Variants in CPSF6 observed in about 807,000 individuals in gnomAD.
CPSF6 encodes cleavage and polyadenylation specific factor 6, also known as cleavage and polyadenylation specificity factor subunit 6.
In CPSF6, 10 loss-of-function variants were observed where a neutral mutation model predicts 56.7. The ratio of observed to expected loss-of-function variants is 0.18; its 90% CI spans 0.11 to 0.30. CPSF6 has a LOEUF of 0.30. Among genes scored for constraint, CPSF6 ranks in the 10% least tolerant of loss-of-function variants. The probability of loss-of-function intolerance (pLI) is 1.00; values close to 1 mark genes in which losing one functional copy is unlikely to be tolerated. For missense variants in CPSF6, 419 were observed against 722.9 expected (o/e 0.58, Z 4.82); for synonymous variants, 248 against 244.8 (o/e 1.01, Z -0.12).
rs1418558421 is a variant in CPSF6, at chr12:69,257,721, G to A, written c.521-11G>A. On this transcript the variant is annotated splice_polypyrimidine_tract_variant and intron_variant, in intron 4 of 9. Coordinates refer to ENST00000435070, the MANE Select transcript of CPSF6 (RefSeq NM_007007.3). ...AATAAGTGCTATTTATGAGTATTTG[G>A]ATATTTGCAGCTACACAATCAGGAC... 9.4e-6 allele frequency: 15 copies of A among 1,602,162 alleles called. No homozygotes were observed. Among genetic ancestry groups the A allele is most frequent in the Non-Finnish European group, 2.5e-6 (3 of 1,177,028 alleles).
Position 69,259,550 on chromosome 12 carries a change from G to A in CPSF6, c.1315+7G>A, listed in dbSNP as rs202148059. On this transcript the variant is annotated splice_region_variant and intron_variant, in intron 7 of 9. Coordinates refer to ENST00000435070, the MANE Select transcript of CPSF6 (RefSeq NM_007007.3). The stretch of plus-strand genomic sequence containing the variant: ...GTGTCTGATGCCAGTGCTGGTTTGT[G>A]TATTTCTTGTATTAATATTTCTTAT... 1.3e-6 allele frequency: 2 copies of A among 1,594,552 alleles called. No homozygotes were observed. Among genetic ancestry groups the A allele is most frequent in the Non-Finnish European group, 1.7e-6 (2 of 1,172,588 alleles).
rs545662055 is a variant in CPSF6 at position 69,244,227 on chromosome 12, C to A, written c.60+4521C>A. Among the ~76,000 whole-genome samples, 20 of 152,118 alleles carry A rather than the reference C, an allele frequency of 1.3e-4. 1 individual carries two copies. The highest frequency in any genetic ancestry group is 4.6e-4 in the African/African-American group (19 of 41,508). On this transcript the variant is annotated intron_variant, in intron 1 of 9. Coordinates refer to ENST00000435070, the MANE Select transcript of CPSF6 (RefSeq NM_007007.3). ...TTTATATCCTTATACTGTAAACTTA[C>A]TTCTTTTTTTTGTTTTGTTTTGTTT...
chr12:69,245,154 C>T (rs1871830326), intron 1 of CPSF6, among the ~76,000 whole-genome samples: 1 of 149,290 alleles, frequency 6.7e-6, no homozygotes, highest in Admixed American at 6.7e-5. Context: ...AATACATAAA[C>T]CAGTAACACA....
chr12:69,245,061 C>G (rs1421268201), intron 1 of CPSF6, among the ~76,000 whole-genome samples: 1 of 147,952 alleles, frequency 6.8e-6, no homozygotes, highest in East Asian at 2.0e-4. Flanking sequence ...AGTTCGAGAC[C>G]AGCTTGGCCA....
intron 3 of CPSF6, among the ~76,000 whole-genome samples, chr12:69,255,785 C>T (rs1447145610): frequency 6.6e-6 from 1 of 152,102 alleles, no homozygotes; most frequent in Non-Finnish European, 1.5e-5. Context: ...GATCCTCCTG[C>T]CTTGGCCTCC....
intron 1 of CPSF6, 143 bp from the exon 2 acceptor site, chr12:69,250,986 G>T: frequency 2.5e-6 from 2 of 798,832 alleles, no homozygotes; most frequent in East Asian, 5.4e-5. Flanking sequence ...TACATCTATT[G>T]CATAAAGTGG....
intron 1 of CPSF6, among the ~76,000 whole-genome samples, chr12:69,248,678 G>T (rs536666518): frequency 1.5e-3 from 224 of 152,016 alleles, no homozygotes; most frequent in Non-Finnish European, 2.5e-3. Context: ...TAAAATTATG[G>T]CATTATTCAG....
intron 9 of CPSF6, among the ~76,000 whole-genome samples, chr12:69,265,598 C>CTTT (rs56097101): frequency 4.0e-5 from 4 of 99,800 alleles, no homozygotes; most frequent in Non-Finnish European, 6.0e-5. Context: ...TATCTGATTA[C>CTTT]TTTTTTTTTT....
chr12:69,259,565 A>G (rs1592806148), intron 7 of CPSF6, 22 bp downstream of exon 7: 1 of 1,582,674 alleles, frequency 6.3e-7, no homozygotes, highest in South Asian at 1.2e-5. Context: ...TCTTGTATTA[A>G]TATTTCTTAT....
chr12:69,260,239 G>T, intron 8 of CPSF6, 42 bp downstream of exon 8: 1 of 1,410,632 alleles, frequency 7.1e-7, no homozygotes. Flanking sequence ...AAAACTGTTA[G>T]TTTACAAATG....
chr12:69,251,489 T>C (rs1478099330), intron 2 of CPSF6, 151 bp downstream of exon 2: 2 of 533,786 alleles, frequency 3.7e-6, no homozygotes, highest in Non-Finnish European at 3.2e-6. Context: ...AATACAAATA[T>C]CTTTGCAACA....
At chr12:69,266,429 A>G (rs2120633019) in intron 9 of CPSF6, among the ~76,000 whole-genome samples, 1 of 152,304 alleles carries the variant, frequency 6.6e-6, no homozygotes, top group Non-Finnish European at 1.5e-5. Context: ...ACTGTGGTTT[A>G]AGAATATAGT....
intron 1 of CPSF6, among the ~76,000 whole-genome samples, chr12:69,250,590 CA>C (rs61337613): frequency 0.17 from 8,263 of 48,776 alleles, 647 homozygotes; most frequent in African/African-American, 0.39. Context: ...CTGGTCTCTA[CA>C]AAAAAAAAAA....
chr12:69,244,710 C>CTTAGT (rs1336640826), intron 1 of CPSF6, among the ~76,000 whole-genome samples: 132 of 150,208 alleles, frequency 8.8e-4, no homozygotes, highest in African/African-American at 2.6e-3. Context: ...TTTTTTTAAG[C>CTTAGT]TTTTTTTAAA....
At chr12:69,259,975 C>G (rs1872676987) in intron 7 of CPSF6, 69 bp from the exon 8 acceptor site, 2 of 1,536,560 alleles carry the variant, frequency 1.3e-6, no homozygotes, top group African/African-American at 1.4e-5. Context: ...TCACTCTTAT[C>G]CCAAGTGGTT....
At chr12:69,255,845 T>A (rs765784049) in intron 3 of CPSF6, among the ~76,000 whole-genome samples, 14 of 152,206 alleles carry the variant, frequency 9.2e-5, no homozygotes. Flanking sequence ...CCTCTCCACA[T>A]CTTTAATACT....
At chr12:69,255,920 T>A (rs1390354182) in intron 3 of CPSF6, among the ~76,000 whole-genome samples, 1 of 152,170 alleles carries the variant, frequency 6.6e-6, no homozygotes, top group Non-Finnish European at 1.5e-5. Flanking sequence ...GATTTGCACT[T>A]CCCCAATAGT....
rs376932786 is a variant in CPSF6, at chr12:69,266,244, C to G, written c.*4-3268C>G. ...CTCCCAGCCCTGTTTCCTTGTTTTC[C>G]CATGTATCCTAACTGCTCTGCTTCA... is the stretch of plus-strand genomic sequence containing the variant. On this transcript the variant is annotated intron_variant, in intron 9 of 9. Coordinates refer to ENST00000435070, the MANE Select transcript of CPSF6 (RefSeq NM_007007.3). Among the ~76,000 whole-genome samples the G allele has an allele frequency of 8.8e-4, 134 of 151,848 alleles. 1 individual carries two copies. The highest frequency in any genetic ancestry group is 3.0e-3 in the African/African-American group (124 of 41,234).
At position 69,258,549 on chromosome 12, in the gene CPSF6, G is replaced by C. The variant is rs779829344; in HGVS notation, c.695-41G>C. On this transcript the variant is annotated intron_variant, in intron 5 of 9. Coordinates refer to ENST00000435070, the MANE Select transcript of CPSF6 (RefSeq NM_007007.3). This position sits in a 1 kb window ranked among gnomAD's most constrained non-coding sequence, Gnocchi z 4.2. ...ATATAAAAGTTAAAATATCTTATTA[G>C]TGAAGTGTTTTTTTTTCTCTCTTTC... The C allele has an allele frequency of 1.4e-6, 2 of 1,463,346 alleles. No homozygotes were observed. Among genetic ancestry groups the C allele is most frequent in the Non-Finnish European group, 1.8e-6 (2 of 1,119,040 alleles). The allele number at this position is 1,463,346 out of a possible 1,614,324, so 90.6% of individuals were successfully genotyped here.
Sources: allele counts gnomAD v4.1 joint callset (sites outside exome capture counted in the v4.1 genomes callset), GRCh38; gene constraint gnomAD v4.1.1; non-coding constraint Gnocchi (gnomAD v3.1); transcripts MANE v1.5; gene names NCBI Gene and HGNC (gene_info 2026-07-23, HGNC 2026-07-21).